The following PIAS1 variants were observed in gnomAD, a reference collection of about 807,000 sequenced individuals.
PIAS1 encodes protein inhibitor of activated STAT 1.
A neutral mutation model predicts 71.3 loss-of-function variants in PIAS1; 6 were observed. The ratio of observed to expected loss-of-function variants is 0.08; its 90% CI spans 0.05 to 0.17. The LOEUF is 0.17. Among genes scored for constraint, PIAS1 ranks in the 10% least tolerant of loss-of-function variants. The pLI is 1.00. For missense variants in PIAS1, 555 were observed against 793.6 expected (o/e 0.70, Z 3.61); for synonymous variants, 303 against 292.9 (o/e 1.03, Z -0.35).
chr15:68,139,995 C>A (rs189234711), intron 2 of PIAS1, among the ~76,000 whole-genome samples: 2 of 152,046 alleles, frequency 1.3e-5, no homozygotes, highest in Non-Finnish European at 2.9e-5. Context: ...AAACTATAGA[C>A]TTCACTGTCA....
intron 12 of PIAS1, among the ~76,000 whole-genome samples, chr15:68,182,979 T>A (rs2093065022): frequency 1.3e-5 from 2 of 152,216 alleles, no homozygotes; most frequent in African/African-American, 4.8e-5. Flanking sequence ...CACTTGCTCT[T>A]CATCGCATTA....
chr15:68,092,548 C>T (rs544617254), intron 2 of PIAS1, among the ~76,000 whole-genome samples: 3 of 152,312 alleles, frequency 2.0e-5, no homozygotes, highest in African/African-American at 7.2e-5. Context: ...TATCTCCTTG[C>T]TGTGGTCTGA....
chr15:68,125,088 C>G (rs926688587), intron 2 of PIAS1, among the ~76,000 whole-genome samples: 1 of 152,142 alleles, frequency 6.6e-6, no homozygotes, highest in African/African-American at 2.4e-5. Flanking sequence ...TGTAAGTGAG[C>G]AATGTAGTGA....
In PIAS1 at chr15:68,176,508, G is replaced by A. The variant is rs777477774; in HGVS notation, c.1335G>A (p.Ala445=). 60 of 1,609,464 alleles carry A rather than the reference G, an allele frequency of 3.7e-5. No homozygotes were observed. The highest frequency in any genetic ancestry group is 1.8e-4 in the South Asian group (16 of 90,440). ...GCTCCACATTGGAGCATCAGGTAGC[G>A]TCTCACCACCAGTCCTCAAATAAAA... ...CLSSTLEHQV[A]SHHQSSNKNK... Residue 445 remains alanine (A), a synonymous_variant, in exon 11 of 14, where the codon GCG becomes GCA. Transcript: ENST00000249636.
chr15:68,076,021 G>A (rs905653804), intron 1 of PIAS1, among the ~76,000 whole-genome samples: 1 of 152,068 alleles, frequency 6.6e-6, no homozygotes, highest in Non-Finnish European at 1.5e-5. Flanking sequence ...GACCTCAGGT[G>A]ATCTGCCCGC....
intron 1 of PIAS1, among the ~76,000 whole-genome samples, chr15:68,075,640 C>A (rs1038599393): frequency 2.6e-5 from 4 of 151,970 alleles, no homozygotes; most frequent in Non-Finnish European, 5.9e-5. Flanking sequence ...AAGAAAGGGT[C>A]GTTATTATTA....
intron 2 of PIAS1, among the ~76,000 whole-genome samples, chr15:68,126,631 C>T (rs1029085906): frequency 3.3e-5 from 5 of 151,860 alleles, no homozygotes; most frequent in Admixed American, 6.6e-5. Context: ...TTAGTAGAGG[C>T]GGGGTTTCAC....
intron 2 of PIAS1, among the ~76,000 whole-genome samples, chr15:68,121,721 A>G (rs1202820555): frequency 6.6e-6 from 1 of 152,154 alleles, no homozygotes; most frequent in Non-Finnish European, 1.5e-5. Flanking sequence ...ATCTCTACCC[A>G]GACCTCTCTC....
intron 2 of PIAS1, among the ~76,000 whole-genome samples, chr15:68,093,720 A>G (rs1156418251): frequency 1.3e-5 from 2 of 152,208 alleles, no homozygotes; most frequent in Non-Finnish European, 2.9e-5. Flanking sequence ...AGAGAAGCAA[A>G]TTATGTTTTT....
intron 1 of PIAS1, among the ~76,000 whole-genome samples, chr15:68,057,847 AG>A (rs1269775447): frequency 6.6e-6 from 1 of 152,248 alleles, no homozygotes; most frequent in Non-Finnish European, 1.5e-5. Context: ...ATAGTTTCTA[AG>A]TATTTCATAT....
intron 2 of PIAS1, among the ~76,000 whole-genome samples, chr15:68,101,872 T>A (rs919644737): frequency 6.6e-6 from 1 of 152,188 alleles, no homozygotes; most frequent in Admixed American, 6.5e-5. Context: ...TGCCTCAGCC[T>A]TCTGAGTAGT....
At chr15:68,151,682 A>G (rs2092845701) in intron 6 of PIAS1, among the ~76,000 whole-genome samples, 1 of 70,238 alleles carries the variant, frequency 1.4e-5, no homozygotes. Flanking sequence ...CAAAAAAACA[A>G]AACACACACA....
intron 2 of PIAS1, among the ~76,000 whole-genome samples, chr15:68,090,027 G>A (rs778039036): frequency 2.0e-5 from 3 of 151,536 alleles, no homozygotes; most frequent in Non-Finnish European, 1.5e-5. Flanking sequence ...CTACAGACAC[G>A]TGCCACCATG....
chr15:68,112,551 A>G (rs1351241559), intron 2 of PIAS1, among the ~76,000 whole-genome samples: 1 of 152,202 alleles, frequency 6.6e-6, no homozygotes, highest in Non-Finnish European at 1.5e-5. Flanking sequence ...GAAGAATTAA[A>G]TCTTTTTAAA....
intron 7 of PIAS1, among the ~76,000 whole-genome samples, chr15:68,160,078 T>G (rs1307273757): frequency 1.3e-5 from 2 of 152,160 alleles, no homozygotes; most frequent in Non-Finnish European, 2.9e-5. Flanking sequence ...GTTAAGCATC[T>G]TCTCAGGTGC....
chr15:68,132,295 G>A (rs1380677220), intron 2 of PIAS1, among the ~76,000 whole-genome samples: 4 of 151,984 alleles, frequency 2.6e-5, no homozygotes, highest in Admixed American at 6.6e-5. Flanking sequence ...TTGCTAACAC[G>A]GTGATACTCC....
At chr15:68,097,245 C>T (rs932459423) in intron 2 of PIAS1, among the ~76,000 whole-genome samples, 7 of 152,012 alleles carry the variant, frequency 4.6e-5, no homozygotes, top group African/African-American at 1.7e-4. Flanking sequence ...GAATAAACCC[C>T]ACTTGATCAT....
intron 6 of PIAS1, 28 bp downstream of exon 6, chr15:68,146,728 T>G: frequency 6.3e-7 from 1 of 1,581,650 alleles, no homozygotes; most frequent in Non-Finnish European, 8.7e-7. Flanking sequence ...TCTACCAGAT[T>G]TTTGTATTAT....
At chr15:68,112,994 A>G (rs1261230570) in intron 2 of PIAS1, among the ~76,000 whole-genome samples, 5 of 152,216 alleles carry the variant, frequency 3.3e-5, no homozygotes, top group African/African-American at 9.6e-5. Context: ...AAAGTATGCT[A>G]CATCTATATG....
Sources: allele counts gnomAD v4.1 joint callset (sites outside exome capture counted in the v4.1 genomes callset), GRCh38; gene constraint gnomAD v4.1.1; transcripts MANE v1.5; gene names NCBI Gene and HGNC (gene_info 2026-07-23, HGNC 2026-07-21).